Variants in MKLN1 observed in about 807,000 individuals in gnomAD.
The protein encoded by MKLN1 is muskelin.
MKLN1 carries 18 observed loss-of-function variants against 99.0 expected under a neutral mutation model. The ratio of observed to expected loss-of-function variants is 0.18; its 90% CI spans 0.13 to 0.27. The LOEUF is 0.27. Among genes scored for constraint, MKLN1 ranks in the 10% least tolerant of loss-of-function variants. The probability of loss-of-function intolerance (pLI) is 1.00; values close to 1 mark genes in which losing one functional copy is unlikely to be tolerated. For synonymous variants in MKLN1, 288 were observed against 293.2 expected (o/e 0.98, Z 0.18); for missense variants, 621 against 875.9 (o/e 0.71, Z 3.67).
intron 1 of MKLN1, among the ~76,000 whole-genome samples, chr7:131,130,368 G>A (rs1302581721): frequency 6.6e-6 from 1 of 152,188 alleles, no homozygotes; most frequent in East Asian, 1.9e-4. Context: ...GTATCAACGA[G>A]AGCCAACCTG....
intron 3 of MKLN1, among the ~76,000 whole-genome samples, chr7:131,314,005 T>A (rs1798617111): frequency 6.6e-6 from 1 of 152,184 alleles, no homozygotes; most frequent in Non-Finnish European, 1.5e-5. Context: ...AACATTTCTC[T>A]AAGTATTTAA....
intron 2 of MKLN1, among the ~76,000 whole-genome samples, chr7:131,386,269 C>CCCAAAGTGCTGGGATT (rs1294779717): frequency 6.6e-6 from 1 of 152,150 alleles, no homozygotes; most frequent in East Asian, 1.9e-4. Flanking sequence ...ACCTCGGCCT[C>CCCAAAGTGCTGGGATT]CCAAAGTGCT....
At chr7:131,472,722 G>A (rs951137004) in intron 16 of MKLN1, among the ~76,000 whole-genome samples, 4 of 151,990 alleles carry the variant, frequency 2.6e-5, no homozygotes, top group African/African-American at 4.8e-5. Context: ...AGGCCGAGGC[G>A]GGCGGATCAC....
intron 1 of MKLN1, among the ~76,000 whole-genome samples, chr7:131,138,271 C>CA (rs1350599153): frequency 2.0e-5 from 3 of 152,106 alleles, no homozygotes; most frequent in African/African-American, 7.2e-5. Context: ...TTCTTTTAAG[C>CA]AAAATATTTT....
intron 3 of MKLN1, among the ~76,000 whole-genome samples, chr7:131,224,488 G>A (rs1284794022): frequency 6.6e-6 from 1 of 152,118 alleles, no homozygotes; most frequent in Non-Finnish European, 1.5e-5. Flanking sequence ...AGAGGCTACG[G>A]TGAGCCAAGA....
At position 131,229,141 on chromosome 7, in the gene MKLN1, G is replaced by A. The variant is rs118139974; in HGVS notation, c.-179+26167G>A. ...AGGGGGAGGGTGTGGGGCTTAAGCCGTAGGTGGGTTTTAGGGATTCTTTTT... is the reference window on the plus strand; with the variant it reads ...AGGGGGAGGGTGTGGGGCTTAAGCCATAGGTGGGTTTTAGGGATTCTTTTT... On this transcript the variant is annotated intron_variant, in intron 3 of 7. Transcript: ENST00000416992. Among the ~76,000 whole-genome samples, 351 of 148,522 alleles carry A rather than the reference G, an allele frequency of 2.4e-3. 3 individuals are homozygous for A. Among genetic ancestry groups the A allele is most frequent in the African/African-American group, 7.7e-3 (312 of 40,540 alleles).
rs372581009 is a variant in MKLN1, at chr7:131,194,304, C to T, written c.-296-8553C>T. Among the ~76,000 whole-genome samples, 59 of 152,302 alleles carry T rather than the reference C, an allele frequency of 3.9e-4. 1 individual carries two copies. Among genetic ancestry groups the T allele is most frequent in the African/African-American group, 1.3e-3 (53 of 41,570 alleles). On this transcript the variant is annotated intron_variant, in intron 2 of 7. Coordinates refer to the MKLN1 transcript ENST00000416992. ...TGCTTCCAACTTCCCCCGGCAGCCC[C>T]TGGCAACCACCAATCTACTTTCTGA...
chr7:131,476,475 A>G (rs186051755), intron 16 of MKLN1, among the ~76,000 whole-genome samples: 16 of 152,318 alleles, frequency 1.1e-4, no homozygotes, highest in African/African-American at 3.6e-4. Context: ...TAGAAAAAAA[A>G]AGCAATTATT....
intron 10 of MKLN1, among the ~76,000 whole-genome samples, chr7:131,442,571 A>G (rs190201601): frequency 6.6e-6 from 1 of 152,320 alleles, no homozygotes; most frequent in East Asian, 1.9e-4. Context: ...AATTATGAAA[A>G]TAGCCTTTTG....
At chr7:131,114,199 T>A (rs1360993648) in intron 1 of MKLN1, among the ~76,000 whole-genome samples, 13 of 152,196 alleles carry the variant, frequency 8.5e-5, no homozygotes, top group Non-Finnish European at 5.9e-5. Flanking sequence ...ATCCTTCCAT[T>A]TTCATAAGCC....
intron 3 of MKLN1, among the ~76,000 whole-genome samples, chr7:131,208,390 T>C (rs1796850740): frequency 6.6e-6 from 1 of 152,086 alleles, no homozygotes; most frequent in East Asian, 1.9e-4. Context: ...GCCCAGGAGT[T>C]TGAGAGCAGC....
chr7:131,247,203 C>CT (rs954518789), intron 3 of MKLN1, among the ~76,000 whole-genome samples: 11 of 147,622 alleles, frequency 7.5e-5, no homozygotes, highest in South Asian at 2.2e-4. Context: ...CTACTGAGAG[C>CT]TTTTTTTTAC....
intron 3 of MKLN1, among the ~76,000 whole-genome samples, chr7:131,251,776 C>A (rs1014356364): frequency 2.6e-5 from 4 of 151,714 alleles, no homozygotes; most frequent in Non-Finnish European, 5.9e-5. Context: ...CTCAAGCGAT[C>A]CTCCCACCTT....
At chr7:131,457,547 T>A (rs1176754632) in intron 12 of MKLN1, among the ~76,000 whole-genome samples, 1 of 151,428 alleles carries the variant, frequency 6.6e-6, no homozygotes, top group African/African-American at 2.4e-5. Flanking sequence ...GAAAATAGAG[T>A]AGAGAAACTA....
Position 131,413,605 on chromosome 7 carries a change from A to G in MKLN1, c.782-1040A>G, listed in dbSNP as rs752991707. 6.6e-5 allele frequency among the ~76,000 whole-genome samples: 10 copies of G among 151,810 alleles called. 1 individual carries two copies. The highest frequency in any genetic ancestry group is 6.2e-4 in the South Asian group (3 of 4,812). ...GCCCAGCCGGAGTGCAGTGGTGCAA[A>G]CTCGGTTCATTGCAACCTCCGCCTC... On this transcript the variant is annotated intron_variant, in intron 7 of 17. Transcript: ENST00000352689.
intron 1 of MKLN1, among the ~76,000 whole-genome samples, chr7:131,123,229 T>C (rs1340588120): frequency 6.6e-6 from 1 of 152,132 alleles, no homozygotes; most frequent in Non-Finnish European, 1.5e-5. Context: ...TCCTGTATCA[T>C]TTAGTTATAC....
At chr7:131,243,475 GT>G (rs899821038) in intron 3 of MKLN1, among the ~76,000 whole-genome samples, 1 of 152,128 alleles carries the variant, frequency 6.6e-6, no homozygotes. Flanking sequence ...CTGTTAATCT[GT>G]TTTATTTTCA....
At chr7:131,182,691 T>A (rs1320525056) in intron 2 of MKLN1, among the ~76,000 whole-genome samples, 1 of 151,802 alleles carries the variant, frequency 6.6e-6, no homozygotes, top group African/African-American at 2.4e-5. Flanking sequence ...TGTTTTATAG[T>A]GTCACCTTTT....
chr7:131,184,535 T>G (rs1316076050), intron 2 of MKLN1, among the ~76,000 whole-genome samples: 1 of 152,092 alleles, frequency 6.6e-6, no homozygotes, highest in Non-Finnish European at 1.5e-5. Flanking sequence ...TAATACTTTT[T>G]TTTTTTGAGA....
Sources: allele counts gnomAD v4.1 joint callset (sites outside exome capture counted in the v4.1 genomes callset), GRCh38; gene constraint gnomAD v4.1.1; transcripts MANE v1.5; gene names NCBI Gene and HGNC (gene_info 2026-07-23, HGNC 2026-07-21).